The following AXDND1 variants were observed in gnomAD, a reference collection of about 807,000 sequenced individuals.
AXDND1 encodes the protein axonemal dynein light chain domain containing 1.
Under a neutral mutation model 137.5 loss-of-function variants are expected in AXDND1, and 110 were observed. The observed-to-expected ratio is 0.80, with a 90% CI of 0.69 to 0.94. The LOEUF is 0.94. Ranked by LOEUF, AXDND1 falls within the 40% of genes least tolerant of loss-of-function variation. AXDND1 has a pLI of 0.00. For missense variants in AXDND1, 1,191 were observed against 1,169.8 expected (o/e 1.02, Z -0.26); for synonymous variants, 414 against 399.7 (o/e 1.04, Z -0.43).
chr1:179,377,095 C>A (rs112420008), intron 4 of AXDND1, among the ~76,000 whole-genome samples: 2,704 of 152,168 alleles, frequency 0.018, 67 homozygotes, highest in African/African-American at 0.06. Flanking sequence ...CCACGCCCGG[C>A]TAATTTTTGT....
chr1:179,461,355 G>T (rs2125444633), intron 16 of AXDND1, among the ~76,000 whole-genome samples: 1 of 152,178 alleles, frequency 6.6e-6, no homozygotes, highest in East Asian at 1.9e-4. Flanking sequence ...AAGATCAGAT[G>T]GTTGTAGATG....
At chr1:179,390,477 G>T (rs4233179) in intron 9 of AXDND1, among the ~76,000 whole-genome samples, 44,355 of 152,098 alleles carry the variant, frequency 0.29, 6,670 homozygotes, top group Non-Finnish European at 0.31. Flanking sequence ...CGTTTTACAT[G>T]TTGTCAATTT....
Position 179,383,462 on chromosome 1 carries a change from A to C in AXDND1, c.659A>C (p.Glu220Ala). Residue 220 changes from glutamate (E) to alanine (A), a missense_variant, in exon 8 of 26, where the codon GAA (glutamate) becomes GCA (alanine). Transcript: ENST00000367618. Reference sequence around the variant, plus strand: ...TTTAGGAAACCTAATAAAAGAGTAGAAGTGGCCCAGCTGAATGATGTGATG... The same window carrying C: ...TTTAGGAAACCTAATAAAAGAGTAGCAGTGGCCCAGCTGAATGATGTGATG... ...FPSMKPNKRV[E>A]VAQLNDVMDT... 1 of 1,613,938 alleles carries C rather than the reference A, an allele frequency of 6.2e-7. No homozygotes were observed. The highest frequency in any genetic ancestry group is 8.5e-7 in the Non-Finnish European group (1 of 1,179,830).
Position 179,533,851 on chromosome 1 carries a change from A to G in AXDND1, c.2772A>G (p.Val924=). The change falls in exon 24 of 26, where the codon GTA becomes GTG. Residue 924 remains valine (V), a synonymous_variant. Coordinates refer to ENST00000367618, the MANE Select transcript of AXDND1 (RefSeq NM_144696.6). ...LAQKYLEAMA[V]IEHMQEKLLE... ...AAAAATATCTTGAAGCAATGGCTGT[A>G]ATTGAACATATGCAGGAGAAGTTAC... is the stretch of plus-strand genomic sequence containing the variant. 1.2e-6 allele frequency: 2 copies of G among 1,613,274 alleles called. No individual in the cohort carries two copies. The highest frequency in any genetic ancestry group is 1.7e-5 in the Admixed American group (1 of 60,008).
chr1:179,546,468 G>T (rs1358213573), intron 25 of AXDND1, among the ~76,000 whole-genome samples: 1 of 151,918 alleles, frequency 6.6e-6, no homozygotes, highest in Non-Finnish European at 1.5e-5. Context: ...TCCCTGAAGT[G>T]GTCTCCCAAG....
At chr1:179,512,497 G>A (rs187385680) in intron 21 of AXDND1, among the ~76,000 whole-genome samples, 172 of 152,262 alleles carry the variant, frequency 1.1e-3, no homozygotes, top group African/African-American at 3.5e-3. Context: ...CAGGTAGTGC[G>A]ATGCCTTCAG....
intron 23 of AXDND1, among the ~76,000 whole-genome samples, chr1:179,529,944 T>C (rs955450894): frequency 3.3e-5 from 5 of 152,192 alleles, no homozygotes; most frequent in African/African-American, 9.7e-5. Flanking sequence ...TTCAACAAGT[T>C]TTAAAAATAA....
intron 16 of AXDND1, chr1:179,447,662 T>A: frequency 1.5e-6 from 2 of 1,347,772 alleles, no homozygotes; most frequent in Non-Finnish European, 2.1e-6. Flanking sequence ...TTTCCACTGT[T>A]CATTCCAAGA....
At chr1:179,440,507 G>A (rs1321813611) in intron 15 of AXDND1, among the ~76,000 whole-genome samples, 1 of 152,236 alleles carries the variant, frequency 6.6e-6, no homozygotes, top group Non-Finnish European at 1.5e-5. Flanking sequence ...TACAGGTGTG[G>A]CTCCAGGGAG....
At chr1:179,366,733 G>T (rs755422113) in intron 2 of AXDND1, 127 bp downstream of exon 2, 142 of 748,762 alleles carry the variant, frequency 1.9e-4, no homozygotes, top group Non-Finnish European at 2.5e-4. Flanking sequence ...TAACACACTT[G>T]CTTAAATAAA....
chr1:179,414,451 G>C (rs577216294), intron 12 of AXDND1, among the ~76,000 whole-genome samples: 1 of 136,892 alleles, frequency 7.3e-6, no homozygotes, highest in African/African-American at 2.7e-5. Flanking sequence ...TTGAGATGGA[G>C]TCTCGCTCTT....
rs1400797212 is a variant in AXDND1 at position 179,498,282 on chromosome 1, TGG to T, written c.2388+5332_2388+5333del. 1.2e-3 allele frequency among the ~76,000 whole-genome samples: 188 copies of T among 152,164 alleles called. 1 individual carries two copies. The highest frequency in any genetic ancestry group is 0.01 in the South Asian group (50 of 4,824). ...ATATAATAAAGTAAACAAAACAGCA[TGG>T]TACTGGTACAAAAACAGACATGTAG... On this transcript the variant is annotated intron_variant, in intron 20 of 25. Coordinates refer to ENST00000367618, the MANE Select transcript of AXDND1 (RefSeq NM_144696.6).
intron 25 of AXDND1, chr1:179,551,424 C>T (rs370579729): frequency 6.2e-6 from 10 of 1,613,650 alleles, no homozygotes; most frequent in South Asian, 1.1e-5. Context: ...GACTCAGAAG[C>T]AGCCTTTTCC....
intron 10 of AXDND1, 37 bp downstream of exon 10, chr1:179,394,080 T>G (rs370650077): frequency 1.3e-6 from 2 of 1,555,378 alleles, no homozygotes; most frequent in Admixed American, 2.0e-5. Context: ...AAAACAAAAG[T>G]CAATGTCATG....
chr1:179,459,942 CTCT>C (rs1185172491), intron 16 of AXDND1, among the ~76,000 whole-genome samples: 3 of 139,236 alleles, frequency 2.2e-5, no homozygotes, highest in South Asian at 2.3e-4. Context: ...CCTTCTCTCT[CTCT>C]TTTCTTTTCT....
intron 6 of AXDND1, among the ~76,000 whole-genome samples, chr1:179,381,804 G>A (rs972028222): frequency 1.3e-5 from 2 of 151,662 alleles, no homozygotes; most frequent in Non-Finnish European, 2.9e-5. Flanking sequence ...TTTGGAGATG[G>A]AGTTTTGCTG....
At chr1:179,421,585 T>C (rs1655744483) in intron 12 of AXDND1, among the ~76,000 whole-genome samples, 1 of 151,744 alleles carries the variant, frequency 6.6e-6, no homozygotes, top group African/African-American at 2.4e-5. Flanking sequence ...GATTTTACCA[T>C]GTTGGCCAGG....
chr1:179,407,826 A>C (rs1415618421), intron 11 of AXDND1, among the ~76,000 whole-genome samples: 1 of 152,140 alleles, frequency 6.6e-6, no homozygotes, highest in Admixed American at 6.6e-5. Context: ...CTATTAGTTT[A>C]TTAAATAGGT....
Position 179,382,853 on chromosome 1 carries a change from AGCAGCAACCCAAG to A in AXDND1, c.638+101_638+113del, listed in dbSNP as rs1381459749. 6 of 955,348 alleles carry A rather than the reference AGCAGCAACCCAAG, an allele frequency of 6.3e-6. No individual in the cohort carries two copies. In the Admixed American group the frequency reaches 1.5e-4, roughly 23 times the overall value. The allele number at this position is 955,348 out of a possible 1,614,324, so 59.2% of individuals were successfully genotyped here. ...TATTAAACAAAATTATTAAAATTAT[AGCAGCAACCCAAG>A]GCAATAATTGCCTACAAGTTCATCA... On this transcript the variant is annotated intron_variant, in intron 7 of 25. Coordinates refer to ENST00000367618, the MANE Select transcript of AXDND1 (RefSeq NM_144696.6).
Sources: gnomAD v4.1 joint callset for allele counts (sites outside exome capture counted in the v4.1 genomes callset) on GRCh38, gnomAD v4.1.1 for gene constraint, MANE v1.5 for transcripts, NCBI Gene and HGNC (gene_info 2026-07-23, HGNC 2026-07-21) for gene names.